DLGAP4: variants seen among roughly 807,000 people sequenced by gnomAD.
DLGAP4 encodes the protein disks large-associated protein 4.
DLGAP4 carries 18 observed loss-of-function variants against 86.9 expected under a neutral mutation model. The ratio of observed to expected loss-of-function variants is 0.21; its 90% CI spans 0.14 to 0.31. DLGAP4 has a LOEUF of 0.31. DLGAP4 is among the 10% of genes least tolerant of loss of function. DLGAP4 has a pLI of 1.00. For missense variants in DLGAP4, 1,085 were observed against 1,362.6 expected (o/e 0.80, Z 3.21); for synonymous variants, 548 against 574.3 (o/e 0.95, Z 0.65).
At chr20:36,398,712 G>A (rs2032069940) in intron 2 of DLGAP4, among the ~76,000 whole-genome samples, 1 of 152,200 alleles carries the variant, frequency 6.6e-6, no homozygotes, top group Admixed American at 6.5e-5. Context: ...ATGGAAACCA[G>A]AGAGGTTGAG....
intron 3 of DLGAP4, among the ~76,000 whole-genome samples, chr20:36,435,274 C>T (rs567299640): frequency 6.6e-5 from 10 of 152,280 alleles, no homozygotes; most frequent in Non-Finnish European, 1.0e-4. Flanking sequence ...TTTCATCACA[C>T]AGTGACCATC....
chr20:36,391,505 T>C (rs2031783263), intron 2 of DLGAP4, among the ~76,000 whole-genome samples: 1 of 150,862 alleles, frequency 6.6e-6, no homozygotes, highest in African/African-American at 2.5e-5. Flanking sequence ...CTGTCACCAA[T>C]TGAAGTCCCA....
intron 7 of DLGAP4, among the ~76,000 whole-genome samples, chr20:36,473,721 A>C (rs1349425034): frequency 2.6e-5 from 4 of 152,150 alleles, no homozygotes; most frequent in Non-Finnish European, 5.9e-5. Flanking sequence ...AAGTGCTGGG[A>C]TTACAGGTGT....
intron 1 of DLGAP4, among the ~76,000 whole-genome samples, chr20:36,327,590 CTTT>C (rs555766337): frequency 5.0e-5 from 6 of 119,998 alleles, no homozygotes; most frequent in African/African-American, 9.9e-5. Flanking sequence ...TGGTTAAATT[CTTT>C]TTTTTTTTTT....
chr20:36,336,125 C>G (rs1555892062), intron 1 of DLGAP4, among the ~76,000 whole-genome samples: 1 of 152,164 alleles, frequency 6.6e-6, no homozygotes, highest in African/African-American at 2.4e-5. Flanking sequence ...CTGCGGGGCA[C>G]CTCCACCACG....
chr20:36,431,808 C>T lies in DLGAP4; in HGVS notation c.91C>T (p.Pro31Ser). ...CCTGTTTGCAGGGACCGACCGCAAC[C>T]CCTACCTGCTGTCGCCCACGGAGGC... Reference protein sequence around the residue: ...EPLFAGTDRNPYLLSPTEAFA... With the variant: ...EPLFAGTDRNSYLLSPTEAFA... The change falls in exon 3 of 13, where the codon CCC becomes TCC. Residue 31 changes from proline to serine, a missense_variant. Coordinates refer to ENST00000339266, the MANE Select transcript of DLGAP4 (RefSeq NM_001365621.2). The surrounding 1 kb of genome is among the most constrained non-coding windows in gnomAD (Gnocchi z 5.1). 1 of 1,613,884 alleles carries T rather than the reference C, an allele frequency of 6.2e-7. No homozygotes were observed. The highest frequency in any genetic ancestry group is 8.5e-7 in the Non-Finnish European group (1 of 1,179,928).
Position 36,350,771 on chromosome 20 carries a change from C to G in DLGAP4, c.-303-16274C>G, listed in dbSNP as rs1332464380. Among the ~76,000 whole-genome samples, 2 of 152,252 alleles carry G rather than the reference C, an allele frequency of 1.3e-5. No homozygotes were observed. Among genetic ancestry groups the G allele is most frequent in the East Asian group, 3.8e-4 (2 of 5,196 alleles). On this transcript the variant is annotated intron_variant, in intron 1 of 12. Transcript: ENST00000339266. This position sits in a 1 kb window ranked among gnomAD's most constrained non-coding sequence, Gnocchi z 4.4. ...TGCTGACCAGTTTGGCTCAGTCTCC[C>G]TTTTGCAGATGCTGGAGGGGACTGT...
chr20:36,412,715 C>T (rs1177441150), intron 2 of DLGAP4, among the ~76,000 whole-genome samples: 4 of 152,194 alleles, frequency 2.6e-5, no homozygotes, highest in Admixed American at 6.5e-5. Flanking sequence ...CTGAAAAGGT[C>T]TTGATTCACA....
chr20:36,486,282 A>G (rs2035408006), intron 7 of DLGAP4, among the ~76,000 whole-genome samples: 1 of 152,168 alleles, frequency 6.6e-6, no homozygotes, highest in African/African-American at 2.4e-5. Flanking sequence ...AAGACATGTG[A>G]GCTAATAAAT....
chr20:36,477,792 G>A (rs2035012558), intron 7 of DLGAP4, among the ~76,000 whole-genome samples: 3 of 152,220 alleles, frequency 2.0e-5, no homozygotes, highest in South Asian at 4.1e-4. Context: ...TTTGGATGCA[G>A]TTAAATGCAA....
intron 2 of DLGAP4, among the ~76,000 whole-genome samples, chr20:36,394,059 A>G (rs1283435099): frequency 2.0e-5 from 3 of 152,076 alleles, no homozygotes; most frequent in African/African-American, 7.2e-5. Flanking sequence ...AGGCCTTTGC[A>G]CATGCTGTCC....
chr20:36,429,398 CTTTTTTTTTTT>C (rs151254062), intron 2 of DLGAP4, among the ~76,000 whole-genome samples: 11 of 76,036 alleles, frequency 1.4e-4, no homozygotes, highest in African/African-American at 3.1e-4. Context: ...TTCTTTTTTT[CTTTTTTTTTTT>C]TTTTTTTTTT....
At chr20:36,440,290 CTGT>C (rs1290546735) in intron 5 of DLGAP4, among the ~76,000 whole-genome samples, 5 of 152,146 alleles carry the variant, frequency 3.3e-5, no homozygotes, top group African/African-American at 1.2e-4. Flanking sequence ...TATCTGGGGG[CTGT>C]TGAGAGGAAT....
At chr20:36,424,178 A>C (rs146885687) in intron 2 of DLGAP4, among the ~76,000 whole-genome samples, 1 of 152,236 alleles carries the variant, frequency 6.6e-6, no homozygotes, top group East Asian at 1.9e-4. Flanking sequence ...GGTGAAGGGG[A>C]CAGGATTGGG....
chr20:36,484,839 C>A (rs1408491353), intron 7 of DLGAP4, among the ~76,000 whole-genome samples: 1 of 152,256 alleles, frequency 6.6e-6, no homozygotes, highest in Admixed American at 6.5e-5. Context: ...ACTGCCGCTG[C>A]ACGTGCACCT....
At chr20:36,317,251 C>CT (rs1416169983) in intron 1 of DLGAP4, among the ~76,000 whole-genome samples, 3 of 54,812 alleles carry the variant, frequency 5.5e-5, no homozygotes, top group African/African-American at 3.4e-4. Flanking sequence ...TTCTTTCTTT[C>CT]TTTCTTTCTT....
chr20:36,357,316 C>A (rs1363698291), intron 1 of DLGAP4, among the ~76,000 whole-genome samples: 1 of 152,236 alleles, frequency 6.6e-6, no homozygotes, highest in African/African-American at 2.4e-5. Flanking sequence ...GCCCTTCCCA[C>A]TTTGCCCACC....
At chr20:36,475,437 C>A (rs1364696238) in intron 7 of DLGAP4, among the ~76,000 whole-genome samples, 1 of 152,060 alleles carries the variant, frequency 6.6e-6, no homozygotes, top group Non-Finnish European at 1.5e-5. Flanking sequence ...TCTCGAACTC[C>A]TGACCTTGTG....
chr20:36,410,050 A>T (rs1344209225), intron 2 of DLGAP4, among the ~76,000 whole-genome samples: 1 of 151,828 alleles, frequency 6.6e-6, no homozygotes, highest in Non-Finnish European at 1.5e-5. Flanking sequence ...AAAAAAAAAA[A>T]AGTACTCCTC....
Sources: gnomAD v4.1 joint callset for allele counts (sites outside exome capture counted in the v4.1 genomes callset) on GRCh38, gnomAD v4.1.1 for gene constraint, Gnocchi (gnomAD v3.1) non-coding constraint, MANE v1.5 for transcripts, NCBI Gene and HGNC (gene_info 2026-07-23, HGNC 2026-07-21) for gene names.